The following STXBP5L variants were observed in gnomAD, a reference collection of about 807,000 sequenced individuals.
STXBP5L encodes syntaxin binding protein 5L.
A neutral mutation model predicts 144.5 loss-of-function variants in STXBP5L; 65 were observed. The observed-to-expected ratio is 0.45, with a 90% CI of 0.37 to 0.55. STXBP5L has a LOEUF of 0.55. STXBP5L is among the 20% of genes least tolerant of loss of function. STXBP5L has a pLI of 0.00. For synonymous variants in STXBP5L, 505 were observed against 469.6 expected (o/e 1.08, Z -0.97); for missense variants, 1,298 against 1,405.5 (o/e 0.92, Z 1.22).
chr3:120,984,199 G>T (rs1942070493), intron 3 of STXBP5L, among the ~76,000 whole-genome samples: 1 of 152,156 alleles, frequency 6.6e-6, no homozygotes, highest in Non-Finnish European at 1.5e-5. Context: ...GAAATCACAG[G>T]TCTAGAGTCT....
At chr3:121,069,401 A>T (rs1350427098) in intron 5 of STXBP5L, among the ~76,000 whole-genome samples, 2 of 151,992 alleles carry the variant, frequency 1.3e-5, no homozygotes, top group Admixed American at 6.6e-5. Flanking sequence ...CCATTGAAGG[A>T]TATCTAGATT....
chr3:120,953,302 G>A (rs1373802821), intron 2 of STXBP5L, among the ~76,000 whole-genome samples: 1 of 148,846 alleles, frequency 6.7e-6, no homozygotes, highest in African/African-American at 2.5e-5. Context: ...AGCTCCAATA[G>A]CCTTGAAAGA....
At chr3:121,272,307 A>C (rs544053655) in intron 18 of STXBP5L, among the ~76,000 whole-genome samples, 14 of 152,074 alleles carry the variant, frequency 9.2e-5, no homozygotes, top group Non-Finnish European at 1.6e-4. Flanking sequence ...AGGTATTCTG[A>C]TATTGGGCAC....
chr3:121,058,493 TA>T (rs1948607109), intron 5 of STXBP5L, among the ~76,000 whole-genome samples: 1 of 152,234 alleles, frequency 6.6e-6, no homozygotes, highest in Admixed American at 6.5e-5. Context: ...ATATACCCAG[TA>T]ATGGGATGGC....
intron 5 of STXBP5L, among the ~76,000 whole-genome samples, chr3:121,047,275 G>T (rs1947582861): frequency 6.6e-6 from 1 of 152,070 alleles, no homozygotes; most frequent in Non-Finnish European, 1.5e-5. Flanking sequence ...GTCCAATTGT[G>T]TGGTTGATTT....
intron 5 of STXBP5L, among the ~76,000 whole-genome samples, chr3:121,100,648 G>C (rs916918822): frequency 1.3e-5 from 2 of 152,024 alleles, no homozygotes; most frequent in Admixed American, 1.3e-4. Context: ...AAGTCATAAA[G>C]ATCTCAAATT....
At chr3:121,140,243 C>A (rs533961705) in intron 7 of STXBP5L, among the ~76,000 whole-genome samples, 1 of 151,776 alleles carries the variant, frequency 6.6e-6, no homozygotes, top group Non-Finnish European at 1.5e-5. Flanking sequence ...TTGCCATTAT[C>A]AAAAAGACAA....
chr3:121,048,926 T>C (rs1438113261), intron 5 of STXBP5L, among the ~76,000 whole-genome samples: 1 of 152,104 alleles, frequency 6.6e-6, no homozygotes, highest in Non-Finnish European at 1.5e-5. Context: ...TGTGTTGTGC[T>C]AGAGGTTTGT....
chr3:120,983,196 A>T (rs972761708), intron 3 of STXBP5L, among the ~76,000 whole-genome samples: 2 of 152,118 alleles, frequency 1.3e-5, no homozygotes, highest in Admixed American at 6.5e-5. Context: ...GTCTAAGGGC[A>T]GAACACAGGC....
intron 8 of STXBP5L, among the ~76,000 whole-genome samples, chr3:121,154,116 T>A (rs935233058): frequency 6.6e-6 from 1 of 151,678 alleles, no homozygotes; most frequent in African/African-American, 2.4e-5. Context: ...AAAATTTCAG[T>A]GAAATTTTAA....
chr3:121,207,257 G>T (rs2048370626), intron 10 of STXBP5L, among the ~76,000 whole-genome samples: 1 of 151,802 alleles, frequency 6.6e-6, no homozygotes, highest in South Asian at 2.1e-4. Context: ...AATAAATGGT[G>T]CTGGGAAAAC....
intron 22 of STXBP5L, among the ~76,000 whole-genome samples, chr3:121,397,036 G>T (rs1019370586): frequency 3.3e-5 from 5 of 152,238 alleles, no homozygotes; most frequent in Non-Finnish European, 5.9e-5. Flanking sequence ...CGCTTTTTGA[G>T]CTGAAGTATA....
At chr3:121,108,804 G>A (rs1053281579) in intron 5 of STXBP5L, among the ~76,000 whole-genome samples, 1 of 152,120 alleles carries the variant, frequency 6.6e-6, no homozygotes, top group African/African-American at 2.4e-5. Flanking sequence ...GCTCCGCTTT[G>A]TACCTCTGGT....
chr3:121,272,328 A>C (rs1303780628), intron 18 of STXBP5L, among the ~76,000 whole-genome samples: 2 of 152,156 alleles, frequency 1.3e-5, no homozygotes, highest in Non-Finnish European at 2.9e-5. Flanking sequence ...ATATGTATTC[A>C]TAGTTGTTAT....
chr3:120,979,947 A>T (rs972561056), intron 3 of STXBP5L, among the ~76,000 whole-genome samples: 1 of 152,210 alleles, frequency 6.6e-6, no homozygotes, highest in African/African-American at 2.4e-5. Flanking sequence ...TTTCAAAAAA[A>T]TTTAAATTCC....
intron 5 of STXBP5L, among the ~76,000 whole-genome samples, chr3:121,077,785 A>T (rs926356912): frequency 2.0e-4 from 30 of 152,028 alleles, no homozygotes; most frequent in African/African-American, 7.2e-4. Flanking sequence ...TGTCAACACA[A>T]AGGTTCTCCA....
intron 3 of STXBP5L, among the ~76,000 whole-genome samples, chr3:121,004,442 G>C (rs1944082869): frequency 6.6e-6 from 1 of 151,892 alleles, no homozygotes; most frequent in African/African-American, 2.4e-5. Context: ...AGCTTAAGGA[G>C]ATTTGGGGCT....
chr3:120,908,648 G>A (rs1708659795), intron 1 of STXBP5L, among the ~76,000 whole-genome samples: 1 of 151,580 alleles, frequency 6.6e-6, no homozygotes, highest in Admixed American at 6.6e-5. Context: ...CGGGAGCGGC[G>A]GCTCTGCGCG....
intron 5 of STXBP5L, among the ~76,000 whole-genome samples, chr3:121,076,343 G>T (rs553617501): frequency 1.3e-5 from 2 of 152,234 alleles, no homozygotes; most frequent in East Asian, 3.9e-4. Flanking sequence ...TGGATAAATT[G>T]GTGCATAGGG....
Sources: gnomAD v4.1 joint callset for allele counts (sites outside exome capture counted in the v4.1 genomes callset) on GRCh38, gnomAD v4.1.1 for gene constraint, MANE v1.5 for transcripts, NCBI Gene and HGNC (gene_info 2026-07-23, HGNC 2026-07-21) for gene names.